Variants in ABR observed in about 807,000 individuals in gnomAD.
ABR encodes active breakpoint cluster region-related protein.
In ABR, 35 loss-of-function variants were observed where a neutral mutation model predicts 107.2. The ratio of observed to expected loss-of-function variants is 0.33; its 90% CI spans 0.25 to 0.43. The LOEUF (loss-of-function observed/expected upper bound fraction) is 0.43, where lower values mean the gene tolerates loss of function less well. ABR is among the 20% of genes least tolerant of loss of function. The pLI is 1.00. For missense variants in ABR, 815 were observed against 1,115.2 expected, an observed-to-expected ratio of 0.73 and a Z score of 3.83; for synonymous variants, 498 against 462.0, an observed-to-expected ratio of 1.08 and a Z score of -1.00.
At chr17:1,216,730 CCTGT>C (rs1169753154) in intron 1 of ABR, among the ~76,000 whole-genome samples, 4 of 152,334 alleles carry the variant, frequency 2.6e-5, no homozygotes, top group East Asian at 1.9e-4. Context: ...CTGTCCTCTG[CCTGT>C]CTAAAGACCC....
intron 1 of ABR, among the ~76,000 whole-genome samples, chr17:1,223,493 GCTTCAAATCCTAAGGGCTA>G (rs1409228380): frequency 7.2e-5 from 11 of 152,252 alleles, no homozygotes; most frequent in Middle Eastern, 3.4e-3. Context: ...AGACTGCCTG[GCTTCAAATCCTAAGGGCTA>G]CTTATAAGCT....
intron 1 of ABR, chr17:1,228,702 CAG>C (rs1409550409): frequency 6.6e-6 from 1 of 152,004 alleles, no homozygotes; most frequent in African/African-American, 2.4e-5. Flanking sequence ...CGAGGTTAAA[CAG>C]GGCCGCGGAG....
At chr17:1,058,296 C>T (rs895211927) in intron 11 of ABR, among the ~76,000 whole-genome samples, 4 of 152,110 alleles carry the variant, frequency 2.6e-5, no homozygotes, top group East Asian at 1.9e-4. Context: ...CCCACCACCA[C>T]GCCCGGCTAA....
intron 1 of ABR, among the ~76,000 whole-genome samples, chr17:1,222,101 T>G (rs1025672412): frequency 1.8e-5 from 2 of 110,940 alleles, no homozygotes; most frequent in Non-Finnish European, 4.0e-5. Context: ...AGTTTCACCC[T>G]GTCACCAAGC....
intron 6 of ABR, among the ~76,000 whole-genome samples, chr17:1,076,739 G>T (rs1255999534): frequency 3.0e-5 from 4 of 134,396 alleles, no homozygotes; most frequent in African/African-American, 1.2e-4. Context: ...TGGGGGGGGT[G>T]GCGGCACTGG....
intron 1 of ABR, among the ~76,000 whole-genome samples, chr17:1,166,508 G>C (rs1420267946): frequency 6.6e-6 from 1 of 152,256 alleles, no homozygotes; most frequent in African/African-American, 2.4e-5. Context: ...GGGTGTGGCA[G>C]TGGGGCCAGG....
chr17:1,018,241 ACCG>A (rs2071338184), intron 16 of ABR, among the ~76,000 whole-genome samples: 1 of 150,856 alleles, frequency 6.6e-6, no homozygotes, highest in Admixed American at 6.6e-5. Context: ...ACGGGGTTTC[ACCG>A]TGTTAGCCAG....
At position 1,057,970 on chromosome 17, in the gene ABR, CCTT is replaced by C. The variant is rs1240179398; in HGVS notation, c.1378_1380del (p.Lys460del). On this transcript the variant is annotated inframe_deletion and splice_region_variant, in exon 12 of 23. Coordinates refer to ENST00000302538, the MANE Select transcript of ABR (RefSeq NM_021962.5). ...GAGCGTGGAAGAGGCAGGAATTTACCCTTCTTCTGTAGTTTCTGAATTGCTTCT... is the reference window on the plus strand; with the variant it reads ...GAGCGTGGAAGAGGCAGGAATTTACCCTTCTGTAGTTTCTGAATTGCTTCT... 15 of 1,613,218 alleles carry C rather than the reference CCTT, an allele frequency of 9.3e-6. No homozygotes were observed. The highest frequency in any genetic ancestry group is 1.3e-5 in the Non-Finnish European group (15 of 1,179,546).
In ABR at chr17:1,077,022, T is replaced by C. The variant is rs1343405703; in HGVS notation, c.700+2308A>G. 2.0e-5 allele frequency among the ~76,000 whole-genome samples: 3 copies of C among 152,228 alleles called. No individual in the cohort carries two copies. The South Asian group carries it at 6.2e-4, about 32-fold the overall frequency. On this transcript the variant is annotated intron_variant, in intron 6 of 22. Coordinates refer to ENST00000302538, the MANE Select transcript of ABR (RefSeq NM_021962.5). ...CCCAAGGGTACTGAGTTAACTGCTT[T>C]GCTCTCATTATTTCCTGTGATTAAA...
chr17:1,075,724 ATTTAT>A (rs1425483641), intron 6 of ABR, among the ~76,000 whole-genome samples: 5 of 152,302 alleles, frequency 3.3e-5, no homozygotes, highest in East Asian at 1.9e-4. Flanking sequence ...TTATTTATGT[ATTTAT>A]TTTAATTTTT....
intron 1 of ABR, among the ~76,000 whole-genome samples, chr17:1,207,009 G>C (rs1347113913): frequency 6.6e-6 from 1 of 152,112 alleles, no homozygotes; most frequent in African/African-American, 2.4e-5. Flanking sequence ...GCTTGAACCC[G>C]GGAGGTGGAG....
At chr17:1,156,752 G>A (rs537979985) in intron 1 of ABR, among the ~76,000 whole-genome samples, 1 of 152,160 alleles carries the variant, frequency 6.6e-6, no homozygotes, top group Non-Finnish European at 1.5e-5. Flanking sequence ...TTGGTGAATA[G>A]TGAGTTCCAC....
At chr17:1,007,419 G>T (rs1351729525) in intron 21 of ABR, 107 bp from the exon 22 acceptor site, 5 of 1,353,714 alleles carry the variant, frequency 3.7e-6, no homozygotes, top group Non-Finnish European at 5.1e-6. Context: ...TCCTGGAAGG[G>T]GTCACCTCGT....
At position 1,058,762 on chromosome 17, in the gene ABR, G is replaced by A. The variant is rs953182864; in HGVS notation, c.1288C>T (p.His430Tyr). 6.2e-7 allele frequency: 1 copy of A among 1,614,090 alleles called. No homozygotes were observed. The highest frequency in any genetic ancestry group is 8.5e-7 in the Non-Finnish European group (1 of 1,179,998). ...ATCCTGACCTTTCCATTCCGATTGT[G>A]GATCCTGAACGGGATTGTGGGGGAG... is the stretch of plus-strand genomic sequence containing the variant. ...LNSPTIPFRI[H>Y]NRNGKSYLFL... The change falls in exon 11 of 23, where the codon CAC (histidine) becomes TAC (tyrosine). Residue 430 changes from histidine (H) to tyrosine (Y), a missense_variant. Coordinates refer to ENST00000302538, the MANE Select transcript of ABR (RefSeq NM_021962.5).
chr17:1,101,901 C>CT (rs2037910374), intron 2 of ABR, among the ~76,000 whole-genome samples: 1 of 151,750 alleles, frequency 6.6e-6, no homozygotes, highest in South Asian at 2.1e-4. Flanking sequence ...GCCCAGCTAA[C>CT]TTTTTGTATT....
chr17:1,054,047 C>T (rs547912986), intron 14 of ABR, among the ~76,000 whole-genome samples: 13 of 152,264 alleles, frequency 8.5e-5, no homozygotes, highest in African/African-American at 2.9e-4. Flanking sequence ...GCTCTGGTGC[C>T]GGAAGACGTG....
intron 4 of ABR, among the ~76,000 whole-genome samples, chr17:1,087,565 G>T (rs1567730560): frequency 6.6e-6 from 1 of 150,978 alleles, no homozygotes; most frequent in Non-Finnish European, 1.5e-5. Flanking sequence ...GAGTTTTAAA[G>T]GGGGTGGGGC....
At position 1,005,384 on chromosome 17, in the gene ABR, TGTGA is replaced by T; in HGVS notation, c.*692_*695del. On this transcript the variant is annotated 3_prime_UTR_variant, in exon 23 of 23. Coordinates refer to ENST00000302538, the MANE Select transcript of ABR (RefSeq NM_021962.5). The stretch of plus-strand genomic sequence containing the variant: ...AGCTCTGTGCTAAGCTGGGGACGAG[TGTGA>T]GTGTGTCTGCTTGTCCAACATTTGC... The T allele has an allele frequency of 2.6e-6, 1 of 381,304 alleles. No homozygotes were observed. Among genetic ancestry groups the T allele is most frequent in the Non-Finnish European group, 4.6e-6 (1 of 215,800 alleles). The allele number at this position is 381,304 out of a possible 1,614,324, so 23.6% of individuals were successfully genotyped here. A position where few individuals can be genotyped will look rare whatever the true frequency, so the allele number is the denominator to read the frequency against.
rs989088226 is a variant in ABR at position 1,078,962 on chromosome 17, C to G, written c.700+368G>C. 60 of 1,505,678 alleles carry G rather than the reference C, an allele frequency of 4.0e-5. 2 individuals carry two copies. In the East Asian group the frequency reaches 1.4e-3, roughly 36 times the overall value. The allele number at this position is 1,505,678 out of a possible 1,614,324, so 93.3% of individuals were successfully genotyped here. ...CAGCCACCTTGCTGATGCTGCCGCA[C>G]GGACTCCAGCATCGGGCAGCCGCTC... On this transcript the variant is annotated intron_variant, in intron 6 of 22. Transcript: ENST00000302538. The surrounding 1 kb of genome is among the most constrained non-coding windows in gnomAD (Gnocchi z 7.5).
Sources: allele counts gnomAD v4.1 joint callset (sites outside exome capture counted in the v4.1 genomes callset), GRCh38; gene constraint gnomAD v4.1.1; non-coding constraint Gnocchi (gnomAD v3.1); transcripts MANE v1.5; gene names NCBI Gene and HGNC (gene_info 2026-07-23, HGNC 2026-07-21).